Variants in WASL observed in about 807,000 individuals in gnomAD.
The protein encoded by WASL is WASP like actin nucleation promoting factor.
A neutral mutation model predicts 55.5 loss-of-function variants in WASL; 20 were observed. The ratio of observed to expected loss-of-function variants is 0.36; its 90% CI spans 0.25 to 0.52. The LOEUF is 0.52. Ranked by LOEUF, WASL falls within the 20% of genes least tolerant of loss-of-function variation. WASL has a pLI of 0.92. For missense variants in WASL, 504 were observed against 622.5 expected (o/e 0.81, Z 2.03); for synonymous variants, 249 against 217.6 (o/e 1.14, Z -1.27).
chr7:123,695,596 C>A (rs1181963881), intron 7 of WASL, among the ~76,000 whole-genome samples: 2 of 152,068 alleles, frequency 1.3e-5, no homozygotes, highest in Admixed American at 1.3e-4. Flanking sequence ...TTTATTTATA[C>A]AGTGTATAAA....
chr7:123,743,898 T>C (rs1804388825), intron 1 of WASL, among the ~76,000 whole-genome samples: 1 of 152,248 alleles, frequency 6.6e-6, no homozygotes, highest in Non-Finnish European at 1.5e-5. Context: ...TCTGAATCTC[T>C]TCTTGTGCTT....
At chr7:123,748,478 G>C (rs1252859645) in intron 1 of WASL, 140 bp downstream of exon 1, 2 of 718,744 alleles carry the variant, frequency 2.8e-6, no homozygotes, top group Non-Finnish European at 4.1e-6. Flanking sequence ...GCGCCGACGA[G>C]GGGCCGGGGC....
intron 1 of WASL, among the ~76,000 whole-genome samples, chr7:123,727,713 C>T (rs1426807526): frequency 6.6e-6 from 1 of 152,204 alleles, no homozygotes; most frequent in Non-Finnish European, 1.5e-5. Flanking sequence ...TGAGGTATTA[C>T]AAACATTCTA....
chr7:123,739,630 AAGGCT>A (rs1804295303), intron 1 of WASL, among the ~76,000 whole-genome samples: 1 of 152,176 alleles, frequency 6.6e-6, no homozygotes, highest in Non-Finnish European at 1.5e-5. Context: ...ACATTTAAGG[AAGGCT>A]AGGCTAAGCT....
In WASL at chr7:123,683,724, C is replaced by T. The variant is rs969775755; in HGVS notation, c.*795G>A. The stretch of plus-strand genomic sequence containing the variant: ...GTAGAATGAAAACTACTCCCTAAAT[C>T]CCTGAAACTCCAACTTAAATTTTGT... On this transcript the variant is annotated 3_prime_UTR_variant, in exon 11 of 11. Transcript: ENST00000223023. The T allele has an allele frequency of 6.6e-6, 1 of 151,908 alleles. No individual in the cohort carries two copies. Among genetic ancestry groups the T allele is most frequent in the Non-Finnish European group, 1.5e-5 (1 of 67,916 alleles). 9.4% of individuals were successfully genotyped at this position (151,908 alleles called of 1,614,324 possible).
rs781497435 is a variant in WASL at position 123,692,743 on chromosome 7, A to G, written c.951T>C (p.Ala317=). 2.0e-6 allele frequency: 3 copies of G among 1,506,520 alleles called. No homozygotes were observed. The South Asian group carries it at 4.2e-5, about 21-fold the overall frequency. 93.3% of individuals were successfully genotyped at this position (1,506,520 alleles called of 1,614,324 possible). A position where few individuals can be genotyped will look rare whatever the true frequency, so the allele number is the denominator to read the frequency against. ...GCGGTGGTGGAGGTGCAGCTGTGGGAGCTCTTGAAGGTGGTGGGGGAGGAG... is the reference window on the plus strand; with the variant it reads ...GCGGTGGTGGAGGTGCAGCTGTGGGGGCTCTTGAAGGTGGTGGGGGAGGAG... ...RGAPPPPPSR[A]PTAAPPPPPP... is the part of the protein sequence containing the mutation. The change falls in exon 9 of 11, where the codon GCT becomes GCC. Residue 317 remains alanine, a synonymous_variant. Coordinates refer to ENST00000223023, the MANE Select transcript of WASL (RefSeq NM_003941.4).
chr7:123,713,912 G>A (rs1436463262), intron 1 of WASL, among the ~76,000 whole-genome samples: 1 of 152,190 alleles, frequency 6.6e-6, no homozygotes, highest in Non-Finnish European at 1.5e-5. Flanking sequence ...CAAAACAGGA[G>A]GGCAGACTTT....
At position 123,740,926 on chromosome 7, in the gene WASL, T is replaced by C. The variant is rs1225353531; in HGVS notation, c.117+7692A>G. ...TGAGAAAAGAAAATCATTTTCAAGC[T>C]GGGGTCACTGTCTGTGTGGAGTTTG... On this transcript the variant is annotated intron_variant, in intron 1 of 10. Coordinates refer to ENST00000223023, the MANE Select transcript of WASL (RefSeq NM_003941.4). Among the ~76,000 whole-genome samples the C allele has an allele frequency of 2.0e-5, 3 of 152,212 alleles. No homozygotes were observed. In the East Asian group the frequency reaches 5.8e-4, roughly 29 times the overall value.
chr7:123,684,313 A>G lies in WASL; in HGVS notation c.*206T>C, dbSNP rs139339597. ...GCATCCTGGTGTAAACTTGCACACAATAACAGGGAGTAGCTTTGTAGAGGA... is the reference window on the plus strand; with the variant it reads ...GCATCCTGGTGTAAACTTGCACACAGTAACAGGGAGTAGCTTTGTAGAGGA... On this transcript the variant is annotated 3_prime_UTR_variant, in exon 11 of 11. Coordinates refer to ENST00000223023, the MANE Select transcript of WASL (RefSeq NM_003941.4). 410 of 225,816 alleles carry G rather than the reference A, an allele frequency of 1.8e-3. 3 individuals carry two copies. Among genetic ancestry groups the G allele is most frequent in the African/African-American group, 8.5e-3 (372 of 43,700 alleles). 14.0% of individuals were successfully genotyped at this position (225,816 alleles called of 1,614,324 possible).
In WASL at chr7:123,748,748, G is replaced by A. The variant is rs1409956204; in HGVS notation, c.-14C>T. Reference sequence around the variant, plus strand: ...GACGGAGCTCATGGTTTCGCCGGCGGGGTTGGGAGTCCAGGGCCGTCTCCT... The same window carrying A: ...GACGGAGCTCATGGTTTCGCCGGCGAGGTTGGGAGTCCAGGGCCGTCTCCT... On this transcript the variant is annotated 5_prime_UTR_variant, in exon 1 of 11. Transcript: ENST00000223023. 6 of 1,568,480 alleles carry A rather than the reference G, an allele frequency of 3.8e-6. No homozygotes were observed. The highest frequency in any genetic ancestry group is 5.2e-6 in the Non-Finnish European group (6 of 1,158,854).
intron 5 of WASL, among the ~76,000 whole-genome samples, chr7:123,697,028 TA>T (rs750279565): frequency 2.0e-5 from 3 of 152,132 alleles, no homozygotes; most frequent in Admixed American, 6.5e-5. Context: ...TAAATATAAT[TA>T]GTCTAATCTC....
intron 1 of WASL, among the ~76,000 whole-genome samples, 166 bp downstream of exon 1, chr7:123,748,452 T>C (rs993497904): frequency 2.0e-5 from 3 of 151,362 alleles, no homozygotes; most frequent in East Asian, 4.0e-4. Context: ...GCCCGCACCC[T>C]GGGAGCAGGG....
At chr7:123,687,459 A>G (rs1301783442) in intron 10 of WASL, among the ~76,000 whole-genome samples, 5 of 152,100 alleles carry the variant, frequency 3.3e-5, no homozygotes, top group Admixed American at 3.3e-4. Flanking sequence ...CACAGACTTT[A>G]TATTTTCTGT....
At chr7:123,741,102 T>C (rs895865492) in intron 1 of WASL, among the ~76,000 whole-genome samples, 22 of 152,116 alleles carry the variant, frequency 1.4e-4, no homozygotes, top group African/African-American at 5.1e-4. Flanking sequence ...GAGTGCACCC[T>C]GCGATGGGAT....
At chr7:123,686,146 T>C (rs916995093) in intron 10 of WASL, among the ~76,000 whole-genome samples, 2 of 151,568 alleles carry the variant, frequency 1.3e-5, no homozygotes, top group African/African-American at 4.8e-5. Flanking sequence ...AGAAGCAACA[T>C]TATCTTCTCT....
intron 2 of WASL, among the ~76,000 whole-genome samples, chr7:123,708,622 T>C (rs769013303): frequency 6.6e-6 from 1 of 152,014 alleles, no homozygotes; most frequent in Non-Finnish European, 1.5e-5. Flanking sequence ...TGAGAAACAA[T>C]ATAAGGAAAA....
intron 10 of WASL, among the ~76,000 whole-genome samples, chr7:123,686,681 C>A (rs1279503539): frequency 1.3e-5 from 2 of 152,076 alleles, no homozygotes; most frequent in African/African-American, 4.8e-5. Context: ...CCTTACATTT[C>A]TTTATGAATG....
At chr7:123,723,989 T>C (rs932759978) in intron 1 of WASL, among the ~76,000 whole-genome samples, 5 of 152,214 alleles carry the variant, frequency 3.3e-5, no homozygotes, top group Admixed American at 1.3e-4. Context: ...TTTCATTATA[T>C]GTATATGCTG....
At chr7:123,712,259 T>C (rs1383013215) in intron 1 of WASL, among the ~76,000 whole-genome samples, 1 of 152,164 alleles carries the variant, frequency 6.6e-6, no homozygotes, top group African/African-American at 2.4e-5. Flanking sequence ...TGTATTGATT[T>C]CCTAACCACT....
Sources: allele counts gnomAD v4.1 joint callset (sites outside exome capture counted in the v4.1 genomes callset), GRCh38; gene constraint gnomAD v4.1.1; transcripts MANE v1.5; gene names NCBI Gene and HGNC (gene_info 2026-07-23, HGNC 2026-07-21).